The following HCN1 variants were observed in gnomAD, a reference collection of about 807,000 sequenced individuals.
HCN1 encodes hyperpolarization activated cyclic nucleotide gated potassium channel 1.
HCN1 carries 13 observed loss-of-function variants against 78.9 expected under a neutral mutation model. The ratio of observed to expected loss-of-function variants is 0.16; its 90% CI spans 0.11 to 0.26. The LOEUF (loss-of-function observed/expected upper bound fraction) is 0.26, where lower values mean the gene tolerates loss of function less well. Ranked by LOEUF, HCN1 falls within the 10% of genes least tolerant of loss-of-function variation. The probability of loss-of-function intolerance (pLI) is 1.00; values close to 1 mark genes in which losing one functional copy is unlikely to be tolerated. For synonymous variants in HCN1, 552 were observed against 455.5 expected, an observed-to-expected ratio of 1.21 and a Z score of -2.70; for missense variants, 810 against 1,154.3, an observed-to-expected ratio of 0.70 and a Z score of 4.32.
At chr5:45,607,109 T>G (rs747115743) in intron 2 of HCN1, among the ~76,000 whole-genome samples, 1 of 151,720 alleles carries the variant, frequency 6.6e-6, no homozygotes, top group African/African-American at 2.4e-5. Flanking sequence ...GAAACTTAGG[T>G]AAAGACATAT....
At chr5:45,580,054 T>TATTCA (rs1443827413) in intron 2 of HCN1, among the ~76,000 whole-genome samples, 1 of 152,140 alleles carries the variant, frequency 6.6e-6, no homozygotes, top group African/African-American at 2.4e-5. Flanking sequence ...ACAGTCCCGC[T>TATTCA]GAGACCTTCA....
intron 3 of HCN1, among the ~76,000 whole-genome samples, chr5:45,414,324 G>C (rs558972924): frequency 2.0e-5 from 3 of 151,812 alleles, no homozygotes; most frequent in Non-Finnish European, 2.9e-5. Flanking sequence ...ACAAACCTGG[G>C]TTACTCTCAA....
At chr5:45,579,871 C>A (rs1318360498) in intron 2 of HCN1, among the ~76,000 whole-genome samples, 1 of 151,988 alleles carries the variant, frequency 6.6e-6, no homozygotes, top group African/African-American at 2.4e-5. Flanking sequence ...ATTTCTCTTC[C>A]TGGTAAAAGA....
intron 1 of HCN1, among the ~76,000 whole-genome samples, chr5:45,683,672 C>CT (rs879673630): frequency 1.5e-3 from 218 of 143,974 alleles, no homozygotes; most frequent in East Asian, 5.7e-3. Context: ...TATGTTTTGT[C>CT]TTTTTTTTTT....
chr5:45,437,001 C>T lies in HCN1; in HGVS notation c.1011+24845G>A, dbSNP rs116653999. On this transcript the variant is annotated intron_variant, in intron 3 of 7. Transcript: ENST00000303230. ...GTACTCTATGCCCTGCACAATACTC[C>T]CTCCTTTATGTCAAAACATCCCTAC... 3.3e-3 allele frequency among the ~76,000 whole-genome samples: 506 copies of T among 152,138 alleles called. 8 individuals are homozygous for T. The highest frequency in any genetic ancestry group is 0.011 in the African/African-American group (475 of 41,498).
At chr5:45,319,717 C>T (rs926477838) in intron 5 of HCN1, among the ~76,000 whole-genome samples, 3 of 150,464 alleles carry the variant, frequency 2.0e-5, no homozygotes, top group African/African-American at 7.3e-5. Flanking sequence ...AGCTTTAGAA[C>T]TTCCAGAAAA....
chr5:45,319,202 G>C (rs1746070070), intron 5 of HCN1, among the ~76,000 whole-genome samples: 1 of 151,954 alleles, frequency 6.6e-6, no homozygotes, highest in Admixed American at 6.6e-5. Flanking sequence ...GATTTGGCTT[G>C]AGTGTACACC....
intron 1 of HCN1, among the ~76,000 whole-genome samples, chr5:45,692,648 G>A (rs1006640352): frequency 2.0e-5 from 3 of 152,006 alleles, no homozygotes; most frequent in Admixed American, 6.6e-5. Context: ...CCCTACTTAC[G>A]CCAGGGGTAG....
At position 45,628,016 on chromosome 5, in the gene HCN1, G is replaced by C. The variant is rs561010391; in HGVS notation, c.849+17169C>G. Among the ~76,000 whole-genome samples, 13 of 152,212 alleles carry C rather than the reference G, an allele frequency of 8.5e-5. No homozygotes were observed. The East Asian group carries it at 2.3e-3, about 27-fold the overall frequency. On this transcript the variant is annotated intron_variant, in intron 2 of 7. Coordinates refer to ENST00000303230, the MANE Select transcript of HCN1 (RefSeq NM_021072.4). ...TATTCGTGAATTCTACAAAAGCATAGACGCAAATAAATAATAATGGATTTC... is the reference window on the plus strand; with the variant it reads ...TATTCGTGAATTCTACAAAAGCATACACGCAAATAAATAATAATGGATTTC...
chr5:45,545,947 T>G (rs561579568), intron 2 of HCN1, among the ~76,000 whole-genome samples: 2 of 152,160 alleles, frequency 1.3e-5, no homozygotes, highest in African/African-American at 4.8e-5. Context: ...ACTTTAATGC[T>G]CCGTGTAATC....
At chr5:45,624,716 G>A (rs1745129233) in intron 2 of HCN1, among the ~76,000 whole-genome samples, 1 of 151,904 alleles carries the variant, frequency 6.6e-6, no homozygotes, top group Admixed American at 6.6e-5. Context: ...CATTAGATGG[G>A]GTCAGAATCA....
intron 2 of HCN1, among the ~76,000 whole-genome samples, chr5:45,483,603 G>A (rs546998118): frequency 3.3e-5 from 5 of 152,030 alleles, no homozygotes; most frequent in Non-Finnish European, 7.4e-5. Context: ...TTCTTTTGTT[G>A]TTCAGAAGCT....
intron 5 of HCN1, among the ~76,000 whole-genome samples, chr5:45,310,516 C>G (rs1745828873): frequency 6.6e-6 from 1 of 152,054 alleles, no homozygotes; most frequent in African/African-American, 2.4e-5. Context: ...CAAAAAATAA[C>G]AGATGCTGGT....
chr5:45,392,565 G>A (rs977279407), intron 4 of HCN1, among the ~76,000 whole-genome samples: 3 of 152,002 alleles, frequency 2.0e-5, no homozygotes, highest in Admixed American at 6.6e-5. Flanking sequence ...GGCCAGGCAC[G>A]GTGGCTCATG....
At chr5:45,449,831 A>G (rs951591069) in intron 3 of HCN1, among the ~76,000 whole-genome samples, 1 of 152,056 alleles carries the variant, frequency 6.6e-6, no homozygotes, top group Non-Finnish European at 1.5e-5. Context: ...GTAAGAACAT[A>G]AGTTGGTTTT....
At chr5:45,419,456 T>C (rs920064599) in intron 3 of HCN1, among the ~76,000 whole-genome samples, 2 of 152,150 alleles carry the variant, frequency 1.3e-5, no homozygotes, top group African/African-American at 4.8e-5. Context: ...TCTAAGATAT[T>C]TGAGTAAATA....
chr5:45,507,821 T>A (rs1284139707), intron 2 of HCN1, among the ~76,000 whole-genome samples: 1 of 152,132 alleles, frequency 6.6e-6, no homozygotes, highest in Non-Finnish European at 1.5e-5. Flanking sequence ...AGTAATTCCT[T>A]AAATAGCTAC....
chr5:45,449,247 A>G (rs180903022), intron 3 of HCN1, among the ~76,000 whole-genome samples: 4 of 152,346 alleles, frequency 2.6e-5, no homozygotes, highest in Admixed American at 2.0e-4. Context: ...CCAAGGTCAC[A>G]TAGCTAGCAT....
chr5:45,512,880 G>A (rs1401419827), intron 2 of HCN1, among the ~76,000 whole-genome samples: 1 of 151,768 alleles, frequency 6.6e-6, no homozygotes, highest in African/African-American at 2.4e-5. Flanking sequence ...CAAATATGAG[G>A]TTTTTAGATA....
Sources: allele counts gnomAD v4.1 joint callset (sites outside exome capture counted in the v4.1 genomes callset), GRCh38; gene constraint gnomAD v4.1.1; transcripts MANE v1.5; gene names NCBI Gene and HGNC (gene_info 2026-07-23, HGNC 2026-07-21).